The following KHDRBS2 variants were observed in gnomAD, a reference collection of about 807,000 sequenced individuals.
KHDRBS2 encodes KH domain-containing, RNA-binding, signal transduction-associated protein 2.
A neutral mutation model predicts 44.3 loss-of-function variants in KHDRBS2; 26 were observed. The ratio of observed to expected loss-of-function variants is 0.59; its 90% CI spans 0.43 to 0.81. The LOEUF (loss-of-function observed/expected upper bound fraction) is 0.81, where lower values mean the gene tolerates loss of function less well. Among genes scored for constraint, KHDRBS2 ranks in the 40% least tolerant of loss-of-function variants. KHDRBS2 has a pLI of 0.00. For synonymous variants in KHDRBS2, 194 were observed against 151.1 expected, an observed-to-expected ratio of 1.28 and a Z score of -2.08; for missense variants, 476 against 433.1, an observed-to-expected ratio of 1.10 and a Z score of -0.88.
intron 2 of KHDRBS2, among the ~76,000 whole-genome samples, chr6:62,054,591 C>T (rs1789841469): frequency 6.6e-6 from 1 of 152,002 alleles, no homozygotes; most frequent in African/African-American, 2.4e-5. Flanking sequence ...AAGAAGGAGG[C>T]AGCAGGGTCA....
intron 6 of KHDRBS2, among the ~76,000 whole-genome samples, chr6:61,759,165 C>T (rs898081972): frequency 4.6e-5 from 7 of 151,978 alleles, no homozygotes; most frequent in African/African-American, 1.2e-4. Flanking sequence ...TTTCTTTGTT[C>T]AAAAGAGAAA....
At chr6:61,555,638 G>GATGCTCCTTCAACTCT in the KHDRBS2 span, among the ~76,000 whole-genome samples, 1 of 152,328 alleles carries the variant, frequency 6.6e-6, no homozygotes, top group East Asian at 1.9e-4. Flanking sequence ...TGTATAGGCT[G>GATGCTCCTTCAACTCT]ATGCTCCTTC....
intron 4 of KHDRBS2, among the ~76,000 whole-genome samples, chr6:61,955,278 A>T (rs1405324399): frequency 1.4e-5 from 2 of 146,014 alleles, no homozygotes; most frequent in African/African-American, 5.0e-5. Flanking sequence ...ACGTGTAAAT[A>T]TACTCATACG....
At position 61,910,808 on chromosome 6, in the gene KHDRBS2, G is replaced by T. The variant is rs377642671; in HGVS notation, c.484-9437C>A. Among the ~76,000 whole-genome samples the T allele has an allele frequency of 9.3e-4, 142 of 152,282 alleles. 1 individual carries two copies. The highest frequency in any genetic ancestry group is 3.3e-3 in the African/African-American group (136 of 41,552). The stretch of plus-strand genomic sequence containing the variant: ...AATGTTTAGATAATATTAAACGACA[G>T]ATTTGACTTGTAATTCTGAAAGTAA... On this transcript the variant is annotated intron_variant, in intron 4 of 8. Transcript: ENST00000281156.
chr6:61,704,244 T>G (rs996661834), intron 7 of KHDRBS2, among the ~76,000 whole-genome samples: 2 of 151,902 alleles, frequency 1.3e-5, no homozygotes, highest in African/African-American at 4.8e-5. Flanking sequence ...TCAGTCTGTT[T>G]TTTAAAACAC....
At chr6:62,095,139 A>C (rs1800301828) in intron 2 of KHDRBS2, among the ~76,000 whole-genome samples, 1 of 151,896 alleles carries the variant, frequency 6.6e-6, no homozygotes, top group Admixed American at 6.6e-5. Context: ...TTGAATCTGA[A>C]AATATTCTAT....
intron 6 of KHDRBS2, among the ~76,000 whole-genome samples, chr6:61,799,454 C>T (rs1379587461): frequency 6.6e-6 from 1 of 151,538 alleles, no homozygotes; most frequent in Non-Finnish European, 1.5e-5. Context: ...GAAATATTAC[C>T]ATCATTATGA....
chr6:62,126,006 T>G (rs1197001515), intron 2 of KHDRBS2, among the ~76,000 whole-genome samples: 1 of 110,076 alleles, frequency 9.1e-6, no homozygotes, highest in African/African-American at 3.0e-5. Flanking sequence ...AGATACCAGC[T>G]CAGCCATAGC....
chr6:62,100,410 A>T (rs1402347613), intron 2 of KHDRBS2, among the ~76,000 whole-genome samples: 2 of 152,258 alleles, frequency 1.3e-5, no homozygotes, highest in East Asian at 3.8e-4. Flanking sequence ...AAGACATAGT[A>T]GGTTGGAGGG....
chr6:61,740,733 G>A (rs545472882), intron 6 of KHDRBS2, among the ~76,000 whole-genome samples: 7 of 151,892 alleles, frequency 4.6e-5, no homozygotes, highest in South Asian at 4.2e-4. Flanking sequence ...TTGTGAAAGC[G>A]TTGGCTGATG....
chr6:61,579,173 G>A, the KHDRBS2 span, among the ~76,000 whole-genome samples: 2 of 152,136 alleles, frequency 1.3e-5, no homozygotes, highest in African/African-American at 4.8e-5. Flanking sequence ...ACTGTCCTCA[G>A]AACTTCTTTT....
chr6:61,566,389 C>A, the KHDRBS2 span, among the ~76,000 whole-genome samples: 1 of 152,106 alleles, frequency 6.6e-6, no homozygotes, highest in Non-Finnish European at 1.5e-5. Flanking sequence ...TGAAGGAATG[C>A]ATTTGGAATG....
At chr6:61,960,508 A>C (rs566685380) in intron 4 of KHDRBS2, among the ~76,000 whole-genome samples, 9 of 152,138 alleles carry the variant, frequency 5.9e-5, no homozygotes, top group Non-Finnish European at 1.2e-4. Context: ...AATGTGGTGA[A>C]ATAAAGTGAA....
chr6:61,770,836 C>T (rs138179649), intron 6 of KHDRBS2, among the ~76,000 whole-genome samples: 4,877 of 152,090 alleles, frequency 0.032, 257 homozygotes, highest in African/African-American at 0.11. Context: ...ATACAGAGAA[C>T]GCCACAAAGA....
intron 6 of KHDRBS2, among the ~76,000 whole-genome samples, chr6:61,786,082 T>C (rs1783761478): frequency 6.6e-6 from 1 of 152,028 alleles, no homozygotes; most frequent in African/African-American, 2.4e-5. Flanking sequence ...ATACCTCATG[T>C]AATCAGTACC....
At chr6:61,963,661 A>G (rs970988218) in intron 4 of KHDRBS2, among the ~76,000 whole-genome samples, 1 of 152,064 alleles carries the variant, frequency 6.6e-6, no homozygotes, top group African/African-American at 2.4e-5. Flanking sequence ...TATTTTGGGA[A>G]ATGATGTCCT....
intron 4 of KHDRBS2, among the ~76,000 whole-genome samples, chr6:61,905,690 A>T (rs1804851397): frequency 6.6e-6 from 1 of 152,136 alleles, no homozygotes; most frequent in African/African-American, 2.4e-5. Context: ...TATCACAGAA[A>T]ATAGTTGATT....
chr6:61,731,386 C>T (rs1317658038), intron 7 of KHDRBS2, among the ~76,000 whole-genome samples: 1 of 152,008 alleles, frequency 6.6e-6, no homozygotes, highest in South Asian at 2.1e-4. Flanking sequence ...TCAGTGTCAG[C>T]GATGGTCATT....
rs150945442 is a variant in KHDRBS2, at chr6:61,982,879, G to C, written c.337-4667C>G. On this transcript the variant is annotated intron_variant, in intron 3 of 8. Transcript: ENST00000281156. ...CTGGTTCTTTAATGTCCTGTTTTCT[G>C]AATTTAAGGAACTCTTTTCTCTTTT... 6.7e-3 allele frequency among the ~76,000 whole-genome samples: 1,017 copies of C among 152,162 alleles called. 6 individuals are homozygous for C. The highest frequency in any genetic ancestry group is 0.013 in the Admixed American group (195 of 15,280).
Sources: gnomAD v4.1 joint callset for allele counts (sites outside exome capture counted in the v4.1 genomes callset) on GRCh38, gnomAD v4.1.1 for gene constraint, MANE v1.5 for transcripts, NCBI Gene and HGNC (gene_info 2026-07-23, HGNC 2026-07-21) for gene names.